Variants in STAG1 observed in about 807,000 individuals in gnomAD.
The protein encoded by STAG1 is cohesin subunit SA-1.
STAG1 carries 26 observed loss-of-function variants against 170.9 expected under a neutral mutation model. The observed-to-expected ratio is 0.15, with a 90% confidence interval of 0.11 to 0.21. STAG1 has a LOEUF of 0.21. Ranked by LOEUF, STAG1 falls within the 10% of genes least tolerant of loss-of-function variation. The probability of loss-of-function intolerance (pLI) is 1.00; values close to 1 mark genes in which losing one functional copy is unlikely to be tolerated. For synonymous variants in STAG1, 514 were observed against 497.7 expected (o/e 1.03, Z -0.44); for missense variants, 964 against 1,509.5 (o/e 0.64, Z 5.99).
chr3:136,662,476 A>C (rs1941614054), intron 1 of STAG1, among the ~76,000 whole-genome samples: 1 of 151,676 alleles, frequency 6.6e-6, no homozygotes, highest in South Asian at 2.1e-4. Flanking sequence ...ACAGGGTCTC[A>C]CTCTGTTGCC....
At chr3:136,586,824 T>C (rs1258795204) in intron 4 of STAG1, 1 of 456,518 alleles carries the variant, frequency 2.2e-6, no homozygotes, top group Non-Finnish European at 4.4e-6. Flanking sequence ...TAAGTTCCCA[T>C]CAATGGAATG....
At chr3:136,618,366 G>T (rs1293520120) in intron 3 of STAG1, among the ~76,000 whole-genome samples, 1 of 152,218 alleles carries the variant, frequency 6.6e-6, no homozygotes, top group Non-Finnish European at 1.5e-5. Flanking sequence ...CCTTGTCCAA[G>T]TGTGCACTCA....
chr3:136,522,932 T>G (rs891809563), intron 6 of STAG1, among the ~76,000 whole-genome samples: 2 of 152,168 alleles, frequency 1.3e-5, no homozygotes, highest in Non-Finnish European at 2.9e-5. Flanking sequence ...TATTCCACAG[T>G]GTATATGTGC....
intron 21 of STAG1, among the ~76,000 whole-genome samples, chr3:136,407,593 C>A (rs1175827470): frequency 6.6e-6 from 1 of 151,866 alleles, no homozygotes; most frequent in African/African-American, 2.4e-5. Context: ...TCTCAAGTAG[C>A]TGGGATTACA....
At chr3:136,689,539 T>C (rs1474490349) in intron 1 of STAG1, among the ~76,000 whole-genome samples, 2 of 152,232 alleles carry the variant, frequency 1.3e-5, no homozygotes, top group East Asian at 3.8e-4. Flanking sequence ...GTCCAAATCA[T>C]AGTTTTCTTT....
At chr3:136,470,676 C>T (rs1178253725) in intron 12 of STAG1, among the ~76,000 whole-genome samples, 1 of 152,178 alleles carries the variant, frequency 6.6e-6, no homozygotes, top group African/African-American at 2.4e-5. Context: ...CTTTAAGACA[C>T]ATGCATACAT....
chr3:136,689,327 A>AT (rs957608425), intron 1 of STAG1, among the ~76,000 whole-genome samples: 6 of 152,224 alleles, frequency 3.9e-5, no homozygotes, highest in Non-Finnish European at 7.4e-5. Flanking sequence ...ATGTGTACAT[A>AT]TAGCTTTTCC....
intron 22 of STAG1, among the ~76,000 whole-genome samples, chr3:136,393,683 T>C (rs2087072149): frequency 6.7e-6 from 1 of 149,890 alleles, no homozygotes. Context: ...AATCTCTACC[T>C]GCTGTGGGTT....
chr3:136,751,810 G>C (rs1256280880), intron 1 of STAG1, among the ~76,000 whole-genome samples: 3 of 55,648 alleles, frequency 5.4e-5, no homozygotes, highest in South Asian at 9.8e-4. Context: ...AGCCCGGGCG[G>C]GGGGGGGCGG....
intron 6 of STAG1, among the ~76,000 whole-genome samples, chr3:136,528,385 C>T (rs1412564570): frequency 6.6e-6 from 1 of 151,796 alleles, no homozygotes; most frequent in Non-Finnish European, 1.5e-5. Flanking sequence ...GAGCCAGGCG[C>T]TATAAGAGAT....
intron 1 of STAG1, among the ~76,000 whole-genome samples, chr3:136,652,646 T>C (rs1052548063): frequency 3.3e-5 from 5 of 152,066 alleles, no homozygotes; most frequent in African/African-American, 1.2e-4. Context: ...ATCTACAAAT[T>C]ATTAGACTCA....
chr3:136,642,260 ATTTCTTTTT>A (rs1559926280), intron 1 of STAG1, among the ~76,000 whole-genome samples: 1 of 130,436 alleles, frequency 7.7e-6, no homozygotes, highest in African/African-American at 3.2e-5. Context: ...AACAGACAGA[ATTTCTTTTT>A]TTTTTTTTTT....
chr3:136,501,643 T>C (rs1016722998), intron 8 of STAG1, among the ~76,000 whole-genome samples: 7 of 152,210 alleles, frequency 4.6e-5, no homozygotes, highest in African/African-American at 1.7e-4. Context: ...ATTATAATAA[T>C]GTTATTTTGT....
At chr3:136,491,653 T>C (rs763458966) in intron 9 of STAG1, among the ~76,000 whole-genome samples, 11 of 152,212 alleles carry the variant, frequency 7.2e-5, no homozygotes, top group Non-Finnish European at 1.3e-4. Flanking sequence ...CTGGTCTCCA[T>C]ACTTACTGTA....
intron 1 of STAG1, among the ~76,000 whole-genome samples, chr3:136,642,479 TC>T (rs1250733535): frequency 1.3e-5 from 2 of 151,604 alleles, no homozygotes; most frequent in Non-Finnish European, 2.9e-5. Context: ...ACCATGTTGG[TC>T]AGGCTGGTCT....
At chr3:136,739,506 A>AAAAAAAAAAAAAAG (rs1393417717) in intron 1 of STAG1, among the ~76,000 whole-genome samples, 1 of 148,978 alleles carries the variant, frequency 6.7e-6, no homozygotes, top group African/African-American at 2.5e-5. Context: ...ACTCCGTCAA[A>AAAAAAAAAAAAAAG]AAAAAAAAAA....
At chr3:136,475,253 T>A (rs1007757135) in intron 10 of STAG1, among the ~76,000 whole-genome samples, 8 of 151,042 alleles carry the variant, frequency 5.3e-5, no homozygotes, top group Non-Finnish European at 1.2e-4. Context: ...TTCAAGTGAT[T>A]CTCTTGTCTC....
At chr3:136,705,276 A>C (rs1262694283) in intron 1 of STAG1, among the ~76,000 whole-genome samples, 3 of 152,026 alleles carry the variant, frequency 2.0e-5, no homozygotes, top group Non-Finnish European at 4.4e-5. Context: ...TACACCATGA[A>C]CAAGTAAGAT....
At chr3:136,468,426 G>C (rs566237960) in intron 12 of STAG1, among the ~76,000 whole-genome samples, 6 of 152,134 alleles carry the variant, frequency 3.9e-5, no homozygotes, top group Admixed American at 3.3e-4. Context: ...ATACATTCCT[G>C]GACACATACA....
Sources: gnomAD v4.1 joint callset for allele counts (sites outside exome capture counted in the v4.1 genomes callset) on GRCh38, gnomAD v4.1.1 for gene constraint, MANE v1.5 for transcripts, NCBI Gene and HGNC (gene_info 2026-07-23, HGNC 2026-07-21) for gene names.